Variants in GRM7 observed in about 807,000 individuals in gnomAD.
GRM7 encodes the protein glutamate metabotropic receptor 7, also known as metabotropic glutamate receptor 7.
GRM7 carries 35 observed loss-of-function variants against 84.5 expected under a neutral mutation model. That is an observed-to-expected ratio of 0.41 (90% confidence interval 0.32 to 0.55). GRM7 has a LOEUF of 0.55. Among genes scored for constraint, GRM7 ranks in the 20% least tolerant of loss-of-function variants. GRM7 has a pLI of 0.19. For missense variants in GRM7, 1,003 were observed against 1,194.6 expected (o/e 0.84, Z 2.36); for synonymous variants, 487 against 455.1 (o/e 1.07, Z -0.89).
intron 7 of GRM7, among the ~76,000 whole-genome samples, chr3:7,563,452 G>A (rs1321206927): frequency 1.3e-5 from 2 of 152,152 alleles, no homozygotes; most frequent in African/African-American, 4.8e-5. Flanking sequence ...TTTTCAAAGT[G>A]TAAGTACAGG....
intron 1 of GRM7, among the ~76,000 whole-genome samples, chr3:7,124,589 TAA>T (rs1189604166): frequency 6.6e-6 from 1 of 152,198 alleles, no homozygotes; most frequent in African/African-American, 2.4e-5. Flanking sequence ...TAATAATTGA[TAA>T]AAGATTCATT....
intron 7 of GRM7, among the ~76,000 whole-genome samples, chr3:7,556,182 A>G (rs1693747501): frequency 6.6e-6 from 1 of 152,122 alleles, no homozygotes; most frequent in Non-Finnish European, 1.5e-5. Flanking sequence ...TAGAAAGGAC[A>G]AGGCACCTCT....
intron 4 of GRM7, among the ~76,000 whole-genome samples, chr3:7,413,817 C>A (rs558010975): frequency 6.6e-6 from 1 of 152,238 alleles, no homozygotes; most frequent in African/African-American, 2.4e-5. Context: ...GTGACTAAGA[C>A]AATCTGCTAG....
chr3:6,977,561 C>T (rs1199579381), intron 1 of GRM7, among the ~76,000 whole-genome samples: 3 of 152,050 alleles, frequency 2.0e-5, no homozygotes, highest in East Asian at 3.9e-4. Flanking sequence ...GTGGCAGGAC[C>T]CTGCCATCCC....
intron 1 of GRM7, among the ~76,000 whole-genome samples, chr3:7,109,062 G>T (rs1403962919): frequency 6.6e-6 from 1 of 152,048 alleles, no homozygotes; most frequent in Non-Finnish European, 1.5e-5. Flanking sequence ...AGAATCCTCA[G>T]GGAAGTGTCC....
intron 1 of GRM7, among the ~76,000 whole-genome samples, chr3:7,064,884 G>T (rs1431420355): frequency 6.6e-6 from 1 of 151,474 alleles, no homozygotes; most frequent in Non-Finnish European, 1.5e-5. Flanking sequence ...GGCCATTTTT[G>T]CAGGAGTAAA....
chr3:7,201,792 T>A (rs1696077369), intron 2 of GRM7, among the ~76,000 whole-genome samples: 1 of 152,218 alleles, frequency 6.6e-6, no homozygotes, highest in South Asian at 2.1e-4. Context: ...GATAAACAGT[T>A]GATCCTTGGA....
rs1406150413 is a variant in GRM7 at position 7,404,355 on chromosome 3, T to A, written c.1034-10668T>A. On this transcript the variant is annotated intron_variant, in intron 4 of 9. Coordinates refer to ENST00000357716, the MANE Select transcript of GRM7 (RefSeq NM_000844.4). Reference sequence around the variant, plus strand: ...TCTCACTTGGGAATTCCCTGGTAGATTCTTGGTGATTGGTTTAGATTTCCC... The same window carrying A: ...TCTCACTTGGGAATTCCCTGGTAGAATCTTGGTGATTGGTTTAGATTTCCC... 2.0e-5 allele frequency among the ~76,000 whole-genome samples: 3 copies of A among 152,174 alleles called. No homozygotes were observed. The East Asian group carries it at 5.8e-4, about 29-fold the overall frequency.
At chr3:7,737,677 G>A (rs1017950714) in intron 9 of GRM7, among the ~76,000 whole-genome samples, 1 of 151,940 alleles carries the variant, frequency 6.6e-6, no homozygotes, top group Non-Finnish European at 1.5e-5. Context: ...ATAATTTTGG[G>A]GCAATGTTCC....
intron 9 of GRM7, among the ~76,000 whole-genome samples, chr3:7,718,722 C>T (rs1651098226): frequency 6.6e-6 from 1 of 152,096 alleles, no homozygotes; most frequent in African/African-American, 2.4e-5. Context: ...GTCTAGACTT[C>T]CTAGTTGGGA....
intron 1 of GRM7, among the ~76,000 whole-genome samples, chr3:7,069,500 C>T (rs1697787510): frequency 6.6e-6 from 1 of 152,076 alleles, no homozygotes; most frequent in African/African-American, 2.4e-5. Context: ...AGGTTAGCTT[C>T]AACAGAGCAA....
intron 1 of GRM7, among the ~76,000 whole-genome samples, chr3:6,947,449 G>C (rs1319763605): frequency 6.6e-6 from 1 of 152,150 alleles, no homozygotes; most frequent in Non-Finnish European, 1.5e-5. Flanking sequence ...GCTGGATTCG[G>C]TTTGCCAGTA....
intron 4 of GRM7, among the ~76,000 whole-genome samples, chr3:7,389,355 G>A (rs1163193863): frequency 6.6e-6 from 1 of 152,036 alleles, no homozygotes; most frequent in Non-Finnish European, 1.5e-5. Flanking sequence ...CTGGTTGTTG[G>A]GTGGAATATT....
chr3:7,444,110 T>C (rs1278106040), intron 5 of GRM7, among the ~76,000 whole-genome samples: 1 of 152,174 alleles, frequency 6.6e-6, no homozygotes, highest in Non-Finnish European at 1.5e-5. Flanking sequence ...AGATTCGTTT[T>C]TCATCTGGCT....
chr3:7,128,769 A>C lies in GRM7; in HGVS notation c.520-17683A>C, dbSNP rs141230537. On this transcript the variant is annotated intron_variant, in intron 1 of 9. Transcript: ENST00000357716. ...GTGATCCACCCACCTTCGCTTCCCA[A>C]AGTGCTAGGATTGCAGGCGTAAGCC... Among the ~76,000 whole-genome samples, 850 of 151,808 alleles carry C rather than the reference A, an allele frequency of 5.6e-3. 10 individuals are homozygous for C. The highest frequency in any genetic ancestry group is 0.019 in the African/African-American group (800 of 41,384).
At chr3:7,236,862 T>C (rs569935680) in intron 2 of GRM7, among the ~76,000 whole-genome samples, 31 of 152,310 alleles carry the variant, frequency 2.0e-4, no homozygotes, top group African/African-American at 7.0e-4. Flanking sequence ...TGAGCAACAA[T>C]AAATGTATAC....
At chr3:7,025,185 G>A (rs1695935697) in intron 1 of GRM7, among the ~76,000 whole-genome samples, 2 of 152,108 alleles carry the variant, frequency 1.3e-5, no homozygotes, top group Admixed American at 1.3e-4. Flanking sequence ...ATTTCACTGA[G>A]TCCAGATGGA....
At chr3:7,482,853 G>A (rs1308831514) in intron 7 of GRM7, among the ~76,000 whole-genome samples, 1 of 152,186 alleles carries the variant, frequency 6.6e-6, no homozygotes, top group Non-Finnish European at 1.5e-5. Flanking sequence ...GAGGATTCAT[G>A]TGCTGTGTTG....
chr3:7,345,326 G>A (rs1692841728), intron 4 of GRM7, among the ~76,000 whole-genome samples: 1 of 150,982 alleles, frequency 6.6e-6, no homozygotes, highest in Admixed American at 6.6e-5. Context: ...CCAGGCTGGA[G>A]TGCAATGGTG....
Sources: allele counts gnomAD v4.1 joint callset (sites outside exome capture counted in the v4.1 genomes callset), GRCh38; gene constraint gnomAD v4.1.1; transcripts MANE v1.5; gene names NCBI Gene and HGNC (gene_info 2026-07-23, HGNC 2026-07-21).